The following PTPRD variants were observed in gnomAD, a reference collection of about 807,000 sequenced individuals.
PTPRD encodes the protein protein tyrosine phosphatase receptor type D.
PTPRD carries 34 observed loss-of-function variants against 214.5 expected under a neutral mutation model. The ratio of observed to expected loss-of-function variants is 0.16; its 90% confidence interval spans 0.12 to 0.21. The LOEUF (loss-of-function observed/expected upper bound fraction) is 0.21, where lower values mean the gene tolerates loss of function less well. PTPRD is among the 10% of genes least tolerant of loss of function. PTPRD has a pLI of 1.00. For synonymous variants in PTPRD, 1,128 were observed against 845.7 expected (o/e 1.33, Z -5.79); for missense variants, 2,545 against 2,398.7 (o/e 1.06, Z -1.27).
Position 10,036,270 on chromosome 9 carries a change from A to G in PTPRD, c.-544-2480T>C, listed in dbSNP as rs548286669. ...TCCCTTTCTCCTTGACATCTAAGAC[A>G]TACAAATGGTAGATTGTTGACAGGT... On this transcript the variant is annotated intron_variant, in intron 3 of 45. Coordinates refer to ENST00000381196, the MANE Select transcript of PTPRD (RefSeq NM_002839.4). 4.5e-4 allele frequency among the ~76,000 whole-genome samples: 69 copies of G among 152,276 alleles called. 1 individual carries two copies. The South Asian group carries it at 0.014, about 31-fold the overall frequency.
intron 9 of PTPRD, among the ~76,000 whole-genome samples, chr9:9,365,546 A>T (rs1204336925): frequency 6.6e-6 from 1 of 151,532 alleles, no homozygotes; most frequent in Non-Finnish European, 1.5e-5. Flanking sequence ...ATAAAATTCC[A>T]TTTATTGCAG....
chr9:8,623,172 T>C (rs1471203406), intron 14 of PTPRD, among the ~76,000 whole-genome samples: 1 of 151,586 alleles, frequency 6.6e-6, no homozygotes, highest in African/African-American at 2.4e-5. Flanking sequence ...AAAACACAAA[T>C]GTTTATGGAA....
intron 9 of PTPRD, among the ~76,000 whole-genome samples, chr9:9,297,736 TAAG>T (rs974627215): frequency 5.9e-5 from 9 of 151,580 alleles, no homozygotes; most frequent in African/African-American, 1.9e-4. Flanking sequence ...TCTTTGTTAG[TAAG>T]AAGGATAGAA....
intron 12 of PTPRD, among the ~76,000 whole-genome samples, chr9:8,696,410 T>C (rs1877448): frequency 0.11 from 16,651 of 152,160 alleles, 2,106 homozygotes; most frequent in African/African-American, 0.3. Flanking sequence ...AAATTCTAGA[T>C]GTGTGGAGGA....
At chr9:10,215,092 T>C (rs1486634549) in intron 3 of PTPRD, among the ~76,000 whole-genome samples, 2 of 151,996 alleles carry the variant, frequency 1.3e-5, no homozygotes, top group Non-Finnish European at 2.9e-5. Context: ...TTATCTTGCC[T>C]CCAAGCACAA....
chr9:9,541,674 C>A (rs2077610896), intron 8 of PTPRD, among the ~76,000 whole-genome samples: 1 of 151,740 alleles, frequency 6.6e-6, no homozygotes. Context: ...CAAACATTTC[C>A]CCAAAGGCAT....
intron 37 of PTPRD, among the ~76,000 whole-genome samples, chr9:8,384,993 A>C (rs2086490524): frequency 6.6e-6 from 1 of 152,238 alleles, no homozygotes; most frequent in Non-Finnish European, 1.5e-5. Context: ...ATAGCATTTG[A>C]AAATCAAAGA....
chr9:10,507,919 C>T (rs2046589947), intron 2 of PTPRD, among the ~76,000 whole-genome samples: 1 of 152,140 alleles, frequency 6.6e-6, no homozygotes, highest in South Asian at 2.1e-4. Context: ...ACACCAAAAG[C>T]AATGGCAACA....
intron 9 of PTPRD, among the ~76,000 whole-genome samples, chr9:9,189,001 A>C (rs2099933439): frequency 6.6e-6 from 1 of 152,056 alleles, no homozygotes; most frequent in Non-Finnish European, 1.5e-5. Context: ...GCCATGAAGA[A>C]CTACTTAATA....
At chr9:8,722,847 C>A (rs572831107) in intron 12 of PTPRD, among the ~76,000 whole-genome samples, 2 of 152,130 alleles carry the variant, frequency 1.3e-5, no homozygotes, top group Non-Finnish European at 2.9e-5. Flanking sequence ...TAAAAGCAGA[C>A]ATTTGTGCTT....
At chr9:8,532,767 T>G (rs935747006) in intron 14 of PTPRD, among the ~76,000 whole-genome samples, 1 of 152,050 alleles carries the variant, frequency 6.6e-6, no homozygotes, top group African/African-American at 2.4e-5. Flanking sequence ...TACATACTTG[T>G]GCTTAGTGAA....
intron 11 of PTPRD, among the ~76,000 whole-genome samples, chr9:8,985,184 A>T (rs2099334123): frequency 6.6e-6 from 1 of 152,104 alleles, no homozygotes; most frequent in African/African-American, 2.4e-5. Context: ...TTAGAATTTC[A>T]GAAGTTTTTA....
chr9:8,482,779 G>A (rs915331472), intron 30 of PTPRD, among the ~76,000 whole-genome samples: 1 of 152,094 alleles, frequency 6.6e-6, no homozygotes, highest in Non-Finnish European at 1.5e-5. Flanking sequence ...GTGGCCAGGC[G>A]CTCTGGGATC....
At chr9:9,353,138 C>T (rs996911475) in intron 9 of PTPRD, among the ~76,000 whole-genome samples, 1 of 151,846 alleles carries the variant, frequency 6.6e-6, no homozygotes, top group South Asian at 2.1e-4. Context: ...AAAGACTGTC[C>T]TTGAAATCCT....
chr9:9,509,937 C>T (rs1439318056), intron 8 of PTPRD, among the ~76,000 whole-genome samples: 1 of 151,626 alleles, frequency 6.6e-6, no homozygotes, highest in Non-Finnish European at 1.5e-5. Context: ...CCCCAGTTTC[C>T]ATTTCCAACT....
At chr9:9,329,210 A>G (rs2041359931) in intron 9 of PTPRD, among the ~76,000 whole-genome samples, 2 of 152,080 alleles carry the variant, frequency 1.3e-5, no homozygotes, top group South Asian at 2.1e-4. Context: ...ATGGCTGGCT[A>G]CTTACTTTTA....
intron 3 of PTPRD, among the ~76,000 whole-genome samples, chr9:10,275,456 T>A (rs1368246540): frequency 6.6e-6 from 1 of 152,090 alleles, no homozygotes; most frequent in Non-Finnish European, 1.5e-5. Flanking sequence ...AGAGAATTGA[T>A]GTACTTATAA....
chr9:8,418,362 T>A (rs2094108364), intron 35 of PTPRD, among the ~76,000 whole-genome samples: 1 of 152,108 alleles, frequency 6.6e-6, no homozygotes, highest in Admixed American at 6.6e-5. Context: ...GACTGGAGCA[T>A]CCATTTGGCA....
At chr9:9,227,755 C>T (rs903750855) in intron 9 of PTPRD, among the ~76,000 whole-genome samples, 6 of 152,068 alleles carry the variant, frequency 3.9e-5, no homozygotes, top group Admixed American at 2.0e-4. Context: ...CAGTGAAGAA[C>T]GGACACATCC....
Sources: gnomAD v4.1 joint callset for allele counts (sites outside exome capture counted in the v4.1 genomes callset) on GRCh38, gnomAD v4.1.1 for gene constraint, MANE v1.5 for transcripts, NCBI Gene and HGNC (gene_info 2026-07-23, HGNC 2026-07-21) for gene names.